The following ZFYVE28 variants were observed in gnomAD, a reference collection of about 807,000 sequenced individuals.
ZFYVE28 encodes lateral signaling target protein 2 homolog.
Under a neutral mutation model 82.1 loss-of-function variants are expected in ZFYVE28, and 40 were observed. The observed-to-expected ratio is 0.49, with a 90% CI of 0.38 to 0.63. ZFYVE28 has a LOEUF of 0.63. Ranked by LOEUF, ZFYVE28 falls within the 30% of genes least tolerant of loss-of-function variation. The pLI, the probability that ZFYVE28 is intolerant of heterozygous loss-of-function variation, is 0.00. For synonymous variants in ZFYVE28, 612 were observed against 546.1 expected, an observed-to-expected ratio of 1.12 and a Z score of -1.68; for missense variants, 1,321 against 1,242.1, an observed-to-expected ratio of 1.06 and a Z score of -0.96.
chr4:2,312,737 A>G (rs1717659558), intron 7 of ZFYVE28, among the ~76,000 whole-genome samples: 1 of 149,780 alleles, frequency 6.7e-6, no homozygotes, highest in South Asian at 2.1e-4. Flanking sequence ...AAAAAAAAAA[A>G]AAAAAAAAAA....
chr4:2,336,236 TCTC>T (rs1413693370), intron 5 of ZFYVE28, among the ~76,000 whole-genome samples: 1 of 152,106 alleles, frequency 6.6e-6, no homozygotes, highest in Admixed American at 6.5e-5. Flanking sequence ...CAGCTTCCTT[TCTC>T]CTCCCCGGGG....
At chr4:2,329,430 C>G (rs1264348499) in intron 6 of ZFYVE28, among the ~76,000 whole-genome samples, 2 of 152,148 alleles carry the variant, frequency 1.3e-5, no homozygotes, top group African/African-American at 4.8e-5. Flanking sequence ...GAATATTATT[C>G]AGCCTTAAAA....
At chr4:2,293,319 T>C (rs1714017681) in intron 8 of ZFYVE28, among the ~76,000 whole-genome samples, 1 of 152,166 alleles carries the variant, frequency 6.6e-6, no homozygotes, top group Non-Finnish European at 1.5e-5. Context: ...AAGGAATACA[T>C]ATAGGACGTA....
chr4:2,279,915 G>A (rs761241694), intron 8 of ZFYVE28, among the ~76,000 whole-genome samples: 1 of 152,238 alleles, frequency 6.6e-6, no homozygotes, highest in Non-Finnish European at 1.5e-5. Flanking sequence ...GGTGACTGCT[G>A]ATGGGGAGGG....
Position 2,373,953 on chromosome 4 carries a change from C to G in ZFYVE28, c.40-19880G>C, listed in dbSNP as rs529571786. Reference sequence around the variant, plus strand: ...TGTCCTCTCTCCTCAGCACCGCCCCCCATCTCTCCCAGCCCCTGGCTCTGC... The same window carrying G: ...TGTCCTCTCTCCTCAGCACCGCCCCGCATCTCTCCCAGCCCCTGGCTCTGC... On this transcript the variant is annotated intron_variant, in intron 1 of 12. Coordinates refer to ENST00000290974, the MANE Select transcript of ZFYVE28 (RefSeq NM_020972.3). Among the ~76,000 whole-genome samples, 8 of 152,324 alleles carry G rather than the reference C, an allele frequency of 5.3e-5. No homozygotes were observed. The South Asian group carries it at 1.0e-3, about 20-fold the overall frequency.
Position 2,320,279 on chromosome 4 carries a change from T to A in ZFYVE28, c.702-8A>T. On this transcript the variant is annotated splice_polypyrimidine_tract_variant and splice_region_variant and intron_variant, in intron 6 of 12. Coordinates refer to ENST00000290974, the MANE Select transcript of ZFYVE28 (RefSeq NM_020972.3). The surrounding 1 kb of genome is among the most constrained non-coding windows in gnomAD (Gnocchi z 5.1). ...GCATAGACCACGAGGCCACTGCATT[T>A]GAGACACAAAAGCCAGGATGTCAGG... 1 of 1,613,388 alleles carries A rather than the reference T, an allele frequency of 6.2e-7. No individual in the cohort carries two copies. The highest frequency in any genetic ancestry group is 8.5e-7 in the Non-Finnish European group (1 of 1,179,596).
At position 2,384,916 on chromosome 4, in the gene ZFYVE28, G is replaced by A. The variant is rs79132652; in HGVS notation, c.40-30843C>T. 7.6e-3 allele frequency among the ~76,000 whole-genome samples: 1,154 copies of A among 152,244 alleles called. 21 individuals carry two copies. Among genetic ancestry groups the A allele is most frequent in the African/African-American group, 0.026 (1,099 of 41,518 alleles). Reference sequence around the variant, plus strand: ...GAGACAGGCTCAGGTCCTAGACTTGGGGGGAGGGGAGTGTAGGGCAATCAT... The same window carrying A: ...GAGACAGGCTCAGGTCCTAGACTTGAGGGGAGGGGAGTGTAGGGCAATCAT... On this transcript the variant is annotated intron_variant, in intron 1 of 12. Coordinates refer to ENST00000290974, the MANE Select transcript of ZFYVE28 (RefSeq NM_020972.3).
chr4:2,413,261 T>C (rs1732705114), intron 1 of ZFYVE28, among the ~76,000 whole-genome samples: 1 of 152,206 alleles, frequency 6.6e-6, no homozygotes, highest in Non-Finnish European at 1.5e-5. Flanking sequence ...GGGAGTAGGT[T>C]CTACAAAGCC....
intron 3 of ZFYVE28, among the ~76,000 whole-genome samples, chr4:2,340,320 C>T (rs1380049091): frequency 1.3e-5 from 2 of 152,130 alleles, no homozygotes; most frequent in Non-Finnish European, 2.9e-5. Context: ...CGAGGCAGCT[C>T]CCCAGCGTGC....
In ZFYVE28 at chr4:2,300,422, G is replaced by A. The variant is rs1240252844; in HGVS notation, c.2051+3867C>T. Among the ~76,000 whole-genome samples the A allele has an allele frequency of 6.6e-6, 1 of 152,192 alleles. No individual in the cohort carries two copies. Among genetic ancestry groups the A allele is most frequent in the Non-Finnish European group, 1.5e-5 (1 of 68,024 alleles). Reference sequence around the variant, plus strand: ...CGGAAAGAAGCCAGTAAAATGAAAAGAGCTGAAGGGCGTAGGTTCCAGAAC... The same window carrying A: ...CGGAAAGAAGCCAGTAAAATGAAAAAAGCTGAAGGGCGTAGGTTCCAGAAC... On this transcript the variant is annotated intron_variant, in intron 8 of 12. Transcript: ENST00000290974. The surrounding 1 kb of genome is among the most constrained non-coding windows in gnomAD (Gnocchi z 4.6).
chr4:2,375,106 T>C (rs1236746899), intron 1 of ZFYVE28, among the ~76,000 whole-genome samples: 1 of 152,220 alleles, frequency 6.6e-6, no homozygotes. Context: ...TGCCGTGGCC[T>C]TTCCCAGGCA....
At chr4:2,357,687 C>A (rs1276121886) in intron 1 of ZFYVE28, among the ~76,000 whole-genome samples, 2 of 152,198 alleles carry the variant, frequency 1.3e-5, no homozygotes, top group East Asian at 3.9e-4. Flanking sequence ...TGTCCCGCAG[C>A]CCTGACTGCA....
intron 6 of ZFYVE28, chr4:2,330,831 A>C: frequency 6.5e-7 from 1 of 1,533,706 alleles, no homozygotes. Context: ...GACCCAGGGC[A>C]GCGGGTGCGT....
intron 8 of ZFYVE28, among the ~76,000 whole-genome samples, chr4:2,295,027 T>C (rs1293198315): frequency 2.0e-5 from 3 of 152,004 alleles, no homozygotes; most frequent in South Asian, 2.1e-4. Context: ...TACAACGAGG[T>C]ACCACTTCAC....
intron 6 of ZFYVE28, among the ~76,000 whole-genome samples, chr4:2,327,556 CT>C (rs1404597703): frequency 2.0e-5 from 3 of 151,132 alleles, no homozygotes; most frequent in African/African-American, 7.4e-5. Context: ...AAGGCACATT[CT>C]TTCTTTTTTT....
intron 4 of ZFYVE28, among the ~76,000 whole-genome samples, chr4:2,338,690 C>T (rs3118617): frequency 0.57 from 86,270 of 152,196 alleles, 24,766 homozygotes; most frequent in East Asian, 0.68. Flanking sequence ...TAAAACTCGA[C>T]TGTCCGTGCT....
rs967296728 is a variant in ZFYVE28, at chr4:2,340,683, C to T, written c.318+795G>A. ...TCCATCTCATGACTGCCCCAGGACC[C>T]ACTCCACGGAGGTGGAAACTGAGGC... On this transcript the variant is annotated intron_variant, in intron 3 of 12. Transcript: ENST00000290974. 2.4e-4 allele frequency among the ~76,000 whole-genome samples: 36 copies of T among 152,194 alleles called. 3 individuals carry two copies.
chr4:2,382,429 G>A (rs1334594864), intron 1 of ZFYVE28, among the ~76,000 whole-genome samples: 1 of 152,202 alleles, frequency 6.6e-6, no homozygotes, highest in Non-Finnish European at 1.5e-5. Flanking sequence ...CCAAGACGAT[G>A]GGAACCCACC....
At chr4:2,389,503 T>A (rs1157677220) in intron 1 of ZFYVE28, among the ~76,000 whole-genome samples, 7 of 152,148 alleles carry the variant, frequency 4.6e-5, no homozygotes, top group African/African-American at 1.7e-4. Flanking sequence ...GAAGAAGCTG[T>A]AGAGTGCCTC....
Sources: gnomAD v4.1 joint callset for allele counts (sites outside exome capture counted in the v4.1 genomes callset) on GRCh38, gnomAD v4.1.1 for gene constraint, Gnocchi (gnomAD v3.1) non-coding constraint, MANE v1.5 for transcripts, NCBI Gene and HGNC (gene_info 2026-07-23, HGNC 2026-07-21) for gene names.